KIRREL1: variants seen among roughly 807,000 people sequenced by gnomAD.
KIRREL1 encodes the protein kirre like nephrin family adhesion molecule 1.
Under a neutral mutation model 83.3 loss-of-function variants are expected in KIRREL1, and 25 were observed. The observed-to-expected ratio is 0.30, with a 90% CI of 0.22 to 0.42. The LOEUF (loss-of-function observed/expected upper bound fraction) is 0.42. Among genes scored for constraint, KIRREL1 ranks in the 10% least tolerant of loss-of-function variants. KIRREL1 has a pLI of 1.00. For missense variants in KIRREL1, 812 were observed against 1,032.3 expected, an observed-to-expected ratio of 0.79 and a Z score of 2.92; for synonymous variants, 388 against 410.4, an observed-to-expected ratio of 0.95 and a Z score of 0.66.
intron 1 of KIRREL1, among the ~76,000 whole-genome samples, chr1:158,010,697 A>T (rs908634647): frequency 6.6e-6 from 1 of 152,124 alleles, no homozygotes; most frequent in African/African-American, 2.4e-5. Flanking sequence ...TTTGCCAGCA[A>T]GATCAAGGGC....
At chr1:158,088,477 T>C in intron 8 of KIRREL1, 23 bp downstream of exon 8, 1 of 76,150 alleles carries the variant, frequency 1.3e-5, no homozygotes, top group Non-Finnish European at 2.3e-5. Flanking sequence ...CTGCCTGTTC[T>C]TTTTTTTTTT....
chr1:158,091,654 T>G lies in KIRREL1; in HGVS notation c.1471+98T>G, dbSNP rs945180619. On this transcript the variant is annotated intron_variant, in intron 11 of 14. Transcript: ENST00000359209. ...GCAGGGCTCAGCTGCTCCCCTTCCC[T>G]TGGGCTCTGCTCTGAGGGAGGGGAC... The G allele has an allele frequency of 1.0e-5, 12 of 1,180,826 alleles. No homozygotes were observed. The African/African-American group carries it at 1.6e-4, about 16-fold the overall frequency. The allele number at this position is 1,180,826 out of a possible 1,614,324, so 73.1% of individuals were successfully genotyped here. A position where few individuals can be genotyped will look rare whatever the true frequency, so the allele number is the denominator to read the frequency against.
At chr1:158,054,279 G>T (rs1223796221) in intron 1 of KIRREL1, among the ~76,000 whole-genome samples, 1 of 151,714 alleles carries the variant, frequency 6.6e-6, no homozygotes, top group Non-Finnish European at 1.5e-5. Context: ...GAGACTGAGG[G>T]TGGGTGAGGG....
Position 158,094,637 on chromosome 1 carries a change from C to G in KIRREL1, c.1798-7C>G. The G allele has an allele frequency of 6.4e-7, 1 of 1,574,434 alleles. No homozygotes were observed. The highest frequency in any genetic ancestry group is 8.6e-7 in the Non-Finnish European group (1 of 1,159,988). On this transcript the variant is annotated splice_polypyrimidine_tract_variant and splice_region_variant and intron_variant, in intron 14 of 14. Coordinates refer to ENST00000359209, the MANE Select transcript of KIRREL1 (RefSeq NM_018240.7). The surrounding 1 kb of genome is among the most constrained non-coding windows in gnomAD (Gnocchi z 4.6). ...CTGCCTCCATCCTCTTCTCTCATTG[C>G]CCCCAGGACCCCACCAATGGCTACT...
intron 10 of KIRREL1, 117 bp downstream of exon 10, chr1:158,089,935 C>T (rs1254355349): frequency 7.4e-6 from 6 of 814,896 alleles, no homozygotes; most frequent in South Asian, 3.2e-5. Flanking sequence ...TTTCCATCCT[C>T]GAATCTTCTG....
At chr1:158,016,920 C>G (rs1375129782) in intron 1 of KIRREL1, among the ~76,000 whole-genome samples, 1 of 152,212 alleles carries the variant, frequency 6.6e-6, no homozygotes, top group Non-Finnish European at 1.5e-5. Context: ...TGCCCTAGCT[C>G]AGGTGAAGTT....
rs752054779 is a variant in KIRREL1, at chr1:158,089,420, C to G, written c.1045-82C>G. ...CTTGTGGCCCTTCCTGCTTTCTTTC[C>G]GATGCCTCCGATGTGGGGCCCTCAT... is the stretch of plus-strand genomic sequence containing the variant. On this transcript the variant is annotated intron_variant, in intron 8 of 14. Coordinates refer to ENST00000359209, the MANE Select transcript of KIRREL1 (RefSeq NM_018240.7). 5 of 1,581,550 alleles carry G rather than the reference C, an allele frequency of 3.2e-6. No individual in the cohort carries two copies. In the African/African-American group the frequency reaches 5.5e-5, roughly 17 times the overall value.
chr1:158,060,647 A>C (rs1426129680), intron 1 of KIRREL1, among the ~76,000 whole-genome samples: 1 of 151,968 alleles, frequency 6.6e-6, no homozygotes, highest in Non-Finnish European at 1.5e-5. Context: ...ATTTCTTTTC[A>C]TCTCCCCTCA....
At chr1:157,997,724 A>G (rs930954445) in intron 1 of KIRREL1, among the ~76,000 whole-genome samples, 6 of 152,202 alleles carry the variant, frequency 3.9e-5, no homozygotes, top group Non-Finnish European at 5.9e-5. Flanking sequence ...GAGGGACACT[A>G]GCCCCGAGGT....
chr1:157,993,829 C>G (rs1318594568), intron 1 of KIRREL1, 101 bp downstream of exon 1: 3 of 739,798 alleles, frequency 4.1e-6, no homozygotes, highest in African/African-American at 3.7e-5. Context: ...GGCCCGCGGC[C>G]AGTCCCCGGG....
At chr1:158,042,845 G>T (rs1660667446) in intron 1 of KIRREL1, among the ~76,000 whole-genome samples, 1 of 151,384 alleles carries the variant, frequency 6.6e-6, no homozygotes, top group South Asian at 2.1e-4. Context: ...AGGCCAAGGT[G>T]GGAGGATCAT....
At chr1:158,059,846 G>A (rs1164816855) in intron 1 of KIRREL1, among the ~76,000 whole-genome samples, 2 of 152,190 alleles carry the variant, frequency 1.3e-5, no homozygotes, top group African/African-American at 2.4e-5. Context: ...CTCTTCAAGA[G>A]CTCATGTTCT....
At chr1:158,054,347 A>G (rs977066638) in intron 1 of KIRREL1, among the ~76,000 whole-genome samples, 2 of 152,020 alleles carry the variant, frequency 1.3e-5, no homozygotes, top group African/African-American at 4.8e-5. Context: ...GAAGTTATAT[A>G]AACAAAATTT....
chr1:158,093,558 G>A, intron 12 of KIRREL1, 65 bp from the exon 13 acceptor site: 1 of 1,609,102 alleles, frequency 6.2e-7, no homozygotes, highest in Non-Finnish European at 8.5e-7. Context: ...CCCAGAGGGA[G>A]CCAGAAGCAG....
At chr1:158,072,722 A>C (rs1184485927) in intron 1 of KIRREL1, among the ~76,000 whole-genome samples, 1 of 151,994 alleles carries the variant, frequency 6.6e-6, no homozygotes, top group Admixed American at 6.5e-5. Flanking sequence ...TCCCTGAAAA[A>C]GAGAATGTGG....
Position 158,096,745 on chromosome 1 carries a change from C to T in KIRREL1, c.*1625C>T, listed in dbSNP as rs929476678. 1 of 456,736 alleles carries T rather than the reference C, an allele frequency of 2.2e-6. No individual in the cohort carries two copies. Among genetic ancestry groups the T allele is most frequent in the Non-Finnish European group, 4.4e-6 (1 of 226,972 alleles). The allele number at this position is 456,736 out of a possible 1,614,324, so 28.3% of individuals were successfully genotyped here. A position where few individuals can be genotyped will look rare whatever the true frequency, so the allele number is the denominator to read the frequency against. ...ACAGGCGCTCCAAGGAGAACCTGTA[C>T]CCCTGCCCCAGCCTCGCCTTCCTAA... On this transcript the variant is annotated 3_prime_UTR_variant, in exon 15 of 15. Coordinates refer to ENST00000359209, the MANE Select transcript of KIRREL1 (RefSeq NM_018240.7).
At chr1:158,067,913 C>T (rs1661398176) in intron 1 of KIRREL1, among the ~76,000 whole-genome samples, 1 of 152,208 alleles carries the variant, frequency 6.6e-6, no homozygotes, top group Non-Finnish European at 1.5e-5. Context: ...CCAGGCCAGA[C>T]CATGGTCACT....
chr1:158,052,835 A>G (rs1163350870), intron 1 of KIRREL1, among the ~76,000 whole-genome samples: 1 of 152,160 alleles, frequency 6.6e-6, no homozygotes, highest in Admixed American at 6.5e-5. Context: ...GCAGGCACCA[A>G]TATCCACTCA....
chr1:158,016,056 A>G (rs1339589635), intron 1 of KIRREL1, among the ~76,000 whole-genome samples: 12 of 152,228 alleles, frequency 7.9e-5, no homozygotes, highest in Admixed American at 7.9e-4. Context: ...CTGTAATCCC[A>G]GCACTTTGGG....
Sources: allele counts gnomAD v4.1 joint callset (sites outside exome capture counted in the v4.1 genomes callset), GRCh38; gene constraint gnomAD v4.1.1; non-coding constraint Gnocchi (gnomAD v3.1); transcripts MANE v1.5; gene names NCBI Gene and HGNC (gene_info 2026-07-23, HGNC 2026-07-21).